SLC44A1: variants seen among roughly 807,000 people sequenced by gnomAD.
The protein encoded by SLC44A1 is choline transporter-like protein 1.
A neutral mutation model predicts 79.3 loss-of-function variants in SLC44A1; 26 were observed. The observed-to-expected ratio is 0.33, with a 90% confidence interval of 0.24 to 0.46. The LOEUF (loss-of-function observed/expected upper bound fraction) is 0.46. Ranked by LOEUF, SLC44A1 falls within the 20% of genes least tolerant of loss-of-function variation. The pLI is 1.00. For missense variants in SLC44A1, 688 were observed against 798.1 expected (o/e 0.86, Z 1.66); for synonymous variants, 263 against 286.2 (o/e 0.92, Z 0.82).
In SLC44A1 at chr9:105,394,926, T is replaced by C; in HGVS notation, c.*5870T>C. Reference sequence around the variant, plus strand: ...CCAGTCCCTTACCTACTCTATCTTCTTTAGGGAAGCATGTGGATTTCTTCA... The same window carrying C: ...CCAGTCCCTTACCTACTCTATCTTCCTTAGGGAAGCATGTGGATTTCTTCA... On this transcript the variant is annotated 3_prime_UTR_variant, in exon 16 of 16. Coordinates refer to ENST00000374720, the MANE Select transcript of SLC44A1 (RefSeq NM_080546.5). 1 of 985,452 alleles carries C rather than the reference T, an allele frequency of 1.0e-6. No individual in the cohort carries two copies. The highest frequency in any genetic ancestry group is 1.2e-6 in the Non-Finnish European group (1 of 829,942). 61.0% of individuals were successfully genotyped at this position (985,452 alleles called of 1,614,324 possible).
In SLC44A1 at chr9:105,392,947, C is replaced by T. The variant is rs989902236; in HGVS notation, c.*3891C>T. The T allele has an allele frequency of 1.0e-6, 1 of 984,138 alleles. No homozygotes were observed. The highest frequency in any genetic ancestry group is 1.2e-6 in the Non-Finnish European group (1 of 829,380). The allele number at this position is 984,138 out of a possible 1,614,324, so 61.0% of individuals were successfully genotyped here. A position where few individuals can be genotyped will look rare whatever the true frequency, so the allele number is the denominator to read the frequency against. On this transcript the variant is annotated 3_prime_UTR_variant, in exon 16 of 16. Coordinates refer to ENST00000374720, the MANE Select transcript of SLC44A1 (RefSeq NM_080546.5). ...AAGTAAGTTCTTTACTGCTTTTCTACTGCTACTTTAAAAAAAAAACAACAA... is the reference window on the plus strand; with the variant it reads ...AAGTAAGTTCTTTACTGCTTTTCTATTGCTACTTTAAAAAAAAAACAACAA...
At chr9:105,433,295 TCAAA>T (rs112275450) in intron 15 of SLC44A1, among the ~76,000 whole-genome samples, 52 of 151,842 alleles carry the variant, frequency 3.4e-4, no homozygotes, top group South Asian at 1.5e-3. Context: ...AGACTCCATC[TCAAA>T]CAAACAAACA....
chr9:105,257,237 C>T (rs553622868), intron 1 of SLC44A1, among the ~76,000 whole-genome samples: 1 of 152,294 alleles, frequency 6.6e-6, no homozygotes, highest in South Asian at 2.1e-4. Flanking sequence ...GCTGCGATTA[C>T]AAGCATGTGC....
At chr9:105,438,175 GTTTTC>G (rs1588884690) in intron 15 of SLC44A1, 1 of 877,618 alleles carries the variant, frequency 1.1e-6, no homozygotes, top group East Asian at 2.7e-5. Context: ...ATTTCATAAT[GTTTTC>G]TTTAAAGACG....
At chr9:105,273,055 G>A (rs328017) in intron 1 of SLC44A1, among the ~76,000 whole-genome samples, 19,871 of 151,426 alleles carry the variant, frequency 0.13, 1,663 homozygotes, top group African/African-American at 0.23. Flanking sequence ...GTAGTGGCGC[G>A]ATCTTGGCTC....
chr9:105,395,912 T>G lies in SLC44A1; in HGVS notation c.*6856T>G, dbSNP rs1296066119. ...TCCGGTGGTGACTTTTTTTTTTTTTTTGTAAATTGTATTAGATACCCCACA... is the reference window on the plus strand; with the variant it reads ...TCCGGTGGTGACTTTTTTTTTTTTTGTGTAAATTGTATTAGATACCCCACA... On this transcript the variant is annotated 3_prime_UTR_variant, in exon 16 of 16. Coordinates refer to ENST00000374720, the MANE Select transcript of SLC44A1 (RefSeq NM_080546.5). The G allele has an allele frequency of 1.0e-6, 1 of 984,130 alleles. No individual in the cohort carries two copies. Among genetic ancestry groups the G allele is most frequent in the Non-Finnish European group, 1.2e-6 (1 of 829,218 alleles). 61.0% of individuals were successfully genotyped at this position (984,130 alleles called of 1,614,324 possible).
Position 105,358,320 on chromosome 9 carries a change from A to G in SLC44A1, c.671-24A>G, listed in dbSNP as rs773440923. On this transcript the variant is annotated intron_variant, in intron 6 of 15. Coordinates refer to ENST00000374720, the MANE Select transcript of SLC44A1 (RefSeq NM_080546.5). ...TACCTGCATTTTCAAATAATATTCTATATGTTCTCTATCTTCCCTGCAGTT... is the reference window on the plus strand; with the variant it reads ...TACCTGCATTTTCAAATAATATTCTGTATGTTCTCTATCTTCCCTGCAGTT... The G allele has an allele frequency of 2.5e-5, 31 of 1,250,350 alleles. No homozygotes were observed. In the East Asian group the frequency reaches 4.4e-4, roughly 18 times the overall value. The allele number at this position is 1,250,350 out of a possible 1,614,324, so 77.5% of individuals were successfully genotyped here.
At chr9:105,313,961 G>T (rs964721839) in intron 3 of SLC44A1, among the ~76,000 whole-genome samples, 7 of 151,640 alleles carry the variant, frequency 4.6e-5, no homozygotes, top group African/African-American at 1.7e-4. Context: ...ACTGGGTTTC[G>T]CCATGTTGCC....
chr9:105,251,967 C>T (rs1247891628), intron 1 of SLC44A1, among the ~76,000 whole-genome samples: 1 of 150,488 alleles, frequency 6.6e-6, no homozygotes, highest in Non-Finnish European at 1.5e-5. Context: ...CAAATCTGAC[C>T]TGCTACCTGT....
chr9:105,346,532 T>C (rs1827251584), intron 4 of SLC44A1, among the ~76,000 whole-genome samples: 1 of 152,134 alleles, frequency 6.6e-6, no homozygotes, highest in Non-Finnish European at 1.5e-5. Context: ...GATAATCACA[T>C]TGGGTCCTCT....
chr9:105,387,661 G>C (rs1284422725), intron 15 of SLC44A1, among the ~76,000 whole-genome samples: 1 of 152,148 alleles, frequency 6.6e-6, no homozygotes, highest in African/African-American at 2.4e-5. Flanking sequence ...AGTGATTGAA[G>C]CTTTCATTAC....
At chr9:105,335,131 TTATA>T (rs1323599180) in intron 3 of SLC44A1, among the ~76,000 whole-genome samples, 1 of 152,084 alleles carries the variant, frequency 6.6e-6, no homozygotes, top group East Asian at 1.9e-4. Context: ...TTCATATGAA[TTATA>T]TATAATGAAT....
intron 1 of SLC44A1, among the ~76,000 whole-genome samples, chr9:105,293,056 C>G (rs1206110359): frequency 6.6e-6 from 1 of 152,050 alleles, no homozygotes; most frequent in Non-Finnish European, 1.5e-5. Flanking sequence ...ACTCAGGAGG[C>G]TAAGGCAGGA....
intron 4 of SLC44A1, among the ~76,000 whole-genome samples, chr9:105,340,925 C>T (rs1827067534): frequency 6.6e-6 from 1 of 152,112 alleles, no homozygotes; most frequent in South Asian, 2.1e-4. Flanking sequence ...TTGTGGAATG[C>T]CCCTGTCAAG....
rs899969011 is a variant in SLC44A1, at chr9:105,406,127, CT to C, written c.1950+20634del. 1.2e-4 allele frequency among the ~76,000 whole-genome samples: 18 copies of C among 151,390 alleles called. No homozygotes were observed. The East Asian group carries it at 3.1e-3, about 26-fold the overall frequency. On this transcript the variant is annotated intron_variant, in intron 15 of 15. Coordinates refer to the SLC44A1 transcript ENST00000374724. ...ATGTGCAAAGACTGGAAGGTGATCT[CT>C]TTTTTTTTGTGGCTCCAGGTATTTA...
At chr9:105,328,320 C>T (rs1278129998) in intron 3 of SLC44A1, among the ~76,000 whole-genome samples, 1 of 152,140 alleles carries the variant, frequency 6.6e-6, no homozygotes, top group East Asian at 1.9e-4. Flanking sequence ...AAGATGAAGG[C>T]ACATCAGAGT....
In SLC44A1 at chr9:105,392,929, T is replaced by C; in HGVS notation, c.*3873T>C. The C allele has an allele frequency of 2.0e-6, 2 of 985,248 alleles. No homozygotes were observed. The highest frequency in any genetic ancestry group is 2.4e-6 in the Non-Finnish European group (2 of 829,822). 61.0% of individuals were successfully genotyped at this position (985,248 alleles called of 1,614,324 possible). A position where few individuals can be genotyped will look rare whatever the true frequency, so the allele number is the denominator to read the frequency against. ...AAGCTTTCGCTTTTCAATAAGTAAG[T>C]TCTTTACTGCTTTTCTACTGCTACT... On this transcript the variant is annotated 3_prime_UTR_variant, in exon 16 of 16. Transcript: ENST00000374720.
chr9:105,351,153 A>G (rs575072266), intron 5 of SLC44A1, among the ~76,000 whole-genome samples: 1 of 152,338 alleles, frequency 6.6e-6, no homozygotes, highest in Admixed American at 6.5e-5. Context: ...AATTCAGTTT[A>G]TTCATCATGT....
chr9:105,294,056 T>C (rs989058992), intron 1 of SLC44A1, among the ~76,000 whole-genome samples: 4 of 152,214 alleles, frequency 2.6e-5, no homozygotes. Context: ...ATGTGCCAGC[T>C]GTGGTCTGAC....
Sources: allele counts gnomAD v4.1 joint callset (sites outside exome capture counted in the v4.1 genomes callset), GRCh38; gene constraint gnomAD v4.1.1; transcripts MANE v1.5; gene names NCBI Gene and HGNC (gene_info 2026-07-23, HGNC 2026-07-21).